PCDHGA1: variants seen among roughly 807,000 people sequenced by gnomAD.
PCDHGA1 encodes protocadherin gamma-A1.
A neutral mutation model predicts 58.0 loss-of-function variants in PCDHGA1; 32 were observed. That is an observed-to-expected ratio of 0.55 (90% confidence interval 0.42 to 0.74). The LOEUF is 0.74. PCDHGA1 is among the 30% of genes least tolerant of loss of function. PCDHGA1 has a pLI of 0.00. For missense variants in PCDHGA1, 1,205 were observed against 1,182.3 expected (o/e 1.02, Z -0.28); for synonymous variants, 498 against 501.1 (o/e 0.99, Z 0.08).
At chr5:141,449,837 T>A (rs917239289) in intron 1 of PCDHGA1, among the ~76,000 whole-genome samples, 3 of 151,742 alleles carry the variant, frequency 2.0e-5, no homozygotes, top group Non-Finnish European at 4.4e-5. Context: ...TTCTTTTATA[T>A]AATTAAATTT....
At chr5:141,358,102 A>G (rs1359136399) in intron 1 of PCDHGA1, among the ~76,000 whole-genome samples, 1 of 152,204 alleles carries the variant, frequency 6.6e-6, no homozygotes, top group Admixed American at 6.5e-5. Flanking sequence ...AGGCATGAGA[A>G]TTGCTTGAAC....
intron 1 of PCDHGA1, chr5:141,355,799 TA>T (rs1759984627): frequency 6.2e-7 from 1 of 1,613,448 alleles, no homozygotes; most frequent in African/African-American, 1.3e-5. Context: ...GAACGCGCTC[TA>T]GATCGCGAGG....
intron 1 of PCDHGA1, chr5:141,388,015 G>A (rs2091197688): frequency 6.8e-7 from 1 of 1,467,954 alleles, no homozygotes; most frequent in South Asian, 1.3e-5. Context: ...ATGCCCAAGG[G>A]CTCCGTAGTG....
At chr5:141,356,535 C>G (rs777731122) in intron 1 of PCDHGA1, 1 of 1,614,054 alleles carries the variant, frequency 6.2e-7, no homozygotes, top group Non-Finnish European at 8.5e-7. Flanking sequence ...TGATGGACAT[C>G]AATGACAACC....
At chr5:141,418,603 G>A (rs769167342) in intron 1 of PCDHGA1, 7 of 1,613,902 alleles carry the variant, frequency 4.3e-6, no homozygotes, top group East Asian at 4.5e-5. Context: ...ACGTGTACAG[G>A]GTTAGCCTTC....
intron 1 of PCDHGA1, chr5:141,478,247 G>A (rs1377698933): frequency 1.2e-6 from 2 of 1,614,074 alleles, no homozygotes; most frequent in Admixed American, 3.3e-5. Context: ...CACAGTGTTC[G>A]GAGTAATCAT....
chr5:141,474,083 A>G (rs771906750), intron 1 of PCDHGA1, among the ~76,000 whole-genome samples: 2 of 152,190 alleles, frequency 1.3e-5, no homozygotes, highest in African/African-American at 2.4e-5. Flanking sequence ...AACAAAAACC[A>G]AAAAACAAAC....
chr5:141,447,538 T>C (rs954291961), intron 1 of PCDHGA1, among the ~76,000 whole-genome samples: 4 of 152,204 alleles, frequency 2.6e-5, no homozygotes, highest in Admixed American at 2.6e-4. Context: ...TTGTTGGGTT[T>C]TAATGTTATG....
chr5:141,394,537 T>C, intron 1 of PCDHGA1: 1 of 1,614,146 alleles, frequency 6.2e-7, no homozygotes, highest in Non-Finnish European at 8.5e-7. Flanking sequence ...TCCACTGGCG[T>C]GGAGCTGGCG....
chr5:141,354,600 A>T (rs1759588601), intron 1 of PCDHGA1, among the ~76,000 whole-genome samples: 1 of 152,218 alleles, frequency 6.6e-6, no homozygotes, highest in African/African-American at 2.4e-5. Flanking sequence ...CCAGACCTCC[A>T]AGTTCCTGTC....
In PCDHGA1 at chr5:141,345,187, T is replaced by C. The variant is rs759403018; in HGVS notation, c.2421+12082T>C. 35 of 1,614,016 alleles carry C rather than the reference T, an allele frequency of 2.2e-5. No homozygotes were observed. The East Asian group carries it at 7.1e-4, about 33-fold the overall frequency. ...GGGCAGAATGGGCAGGTTGAAGTTT[T>C]TGTCCTGGGAAATCTGCCATTTAAG... is the stretch of plus-strand genomic sequence containing the variant. On this transcript the variant is annotated intron_variant, in intron 1 of 3. Transcript: ENST00000517417.
Position 141,366,619 on chromosome 5 carries a change from G to A in PCDHGA1, c.2421+33514G>A, listed in dbSNP as rs769993265. On this transcript the variant is annotated intron_variant, in intron 1 of 3. Coordinates refer to ENST00000517417, the MANE Select transcript of PCDHGA1 (RefSeq NM_018912.3). ...ACGAGGTCTCCCTCACCGCGGACTC[G>A]AGGAAGAGTCACCTGATCTTTCCCC... 5.0e-6 allele frequency: 8 copies of A among 1,614,104 alleles called. No homozygotes were observed. In the African/African-American group the frequency reaches 6.7e-5, roughly 13 times the overall value.
At position 141,370,660 on chromosome 5, in the gene PCDHGA1, G is replaced by T. The variant is rs199537402; in HGVS notation, c.2421+37555G>T. 1.4e-4 allele frequency: 220 copies of T among 1,613,752 alleles called. No individual in the cohort carries two copies. The highest frequency in any genetic ancestry group is 4.9e-4 in the Middle Eastern group (3 of 6,084). Reference sequence around the variant, plus strand: ...AATGGGAACTTACTTGTGAGCGACCGTATAGACCGAGAGGAGATTTGTGGC... The same window carrying T: ...AATGGGAACTTACTTGTGAGCGACCTTATAGACCGAGAGGAGATTTGTGGC... On this transcript the variant is annotated intron_variant, in intron 1 of 3. Transcript: ENST00000517417.
chr5:141,338,855 C>A, intron 1 of PCDHGA1: 3 of 1,425,134 alleles, frequency 2.1e-6, no homozygotes, highest in Non-Finnish European at 2.7e-6. Flanking sequence ...CCCACCAGTT[C>A]TCTCCATAGG....
intron 1 of PCDHGA1, among the ~76,000 whole-genome samples, chr5:141,437,421 T>G (rs971034611): frequency 1.2e-4 from 19 of 152,238 alleles, no homozygotes; most frequent in African/African-American, 4.6e-4. Flanking sequence ...TTATGCTTTT[T>G]GAAGCAGCAA....
intron 1 of PCDHGA1, chr5:141,356,146 G>A: frequency 6.2e-7 from 1 of 1,613,564 alleles, no homozygotes; most frequent in South Asian, 1.1e-5. Context: ...TGGATTCTAT[G>A]ACATAGATGT....
rs187307897 is a variant in PCDHGA1 at position 141,505,900 on chromosome 5, A to G, written c.2569+419A>G. 2.6e-4 allele frequency among the ~76,000 whole-genome samples: 39 copies of G among 152,296 alleles called. 1 individual carries two copies. In the East Asian group the frequency reaches 6.8e-3, roughly 26 times the overall value. ...TGTAGAGATTAAATGAGATGATACCACAAAGCATAGAGTTCTGGGCCTGGC... is the reference window on the plus strand; with the variant it reads ...TGTAGAGATTAAATGAGATGATACCGCAAAGCATAGAGTTCTGGGCCTGGC... On this transcript the variant is annotated intron_variant, in intron 3 of 3. Transcript: ENST00000517417.
chr5:141,384,053 C>T (rs1329974843), intron 1 of PCDHGA1: 1 of 1,610,750 alleles, frequency 6.2e-7, no homozygotes, highest in Non-Finnish European at 8.5e-7. Context: ...GTGACCTGCA[C>T]CATTCCAGAA....
At chr5:141,409,741 G>A in intron 1 of PCDHGA1, 2 of 1,613,122 alleles carry the variant, frequency 1.2e-6, no homozygotes, top group Non-Finnish European at 1.7e-6. Context: ...AGAGCGGGGT[G>A]GTGTTCGCGC....
Sources: gnomAD v4.1 joint callset for allele counts (sites outside exome capture counted in the v4.1 genomes callset) on GRCh38, gnomAD v4.1.1 for gene constraint, MANE v1.5 for transcripts, NCBI Gene and HGNC (gene_info 2026-07-23, HGNC 2026-07-21) for gene names.